Variants in KIAA0319 observed in about 807,000 individuals in gnomAD.
The protein encoded by KIAA0319 is dyslexia-associated protein KIAA0319.
A neutral mutation model predicts 108.4 loss-of-function variants in KIAA0319; 83 were observed. The ratio of observed to expected loss-of-function variants is 0.77; its 90% confidence interval spans 0.64 to 0.92. The LOEUF (loss-of-function observed/expected upper bound fraction) is 0.92, where lower values mean the gene tolerates loss of function less well. Ranked by LOEUF, KIAA0319 falls within the 40% of genes least tolerant of loss-of-function variation. The probability of loss-of-function intolerance (pLI) is 0.00; values close to 1 mark genes in which losing one functional copy is unlikely to be tolerated. For missense variants in KIAA0319, 1,195 were observed against 1,322.4 expected (o/e 0.90, Z 1.49); for synonymous variants, 484 against 510.4 (o/e 0.95, Z 0.70).
chr6:24,624,223 G>C (rs1183466492), intron 1 of KIAA0319, among the ~76,000 whole-genome samples: 2 of 29,492 alleles, frequency 6.8e-5, no homozygotes, highest in African/African-American at 2.7e-4. Context: ...TTTTTTTTTT[G>C]TAGAGACAGG....
rs1188446300 is a variant in KIAA0319, at chr6:24,633,573, A to G, written c.-106+12163T>C. 4.6e-5 allele frequency among the ~76,000 whole-genome samples: 7 copies of G among 152,306 alleles called. No homozygotes were observed. In the East Asian group the frequency reaches 1.3e-3, roughly 29 times the overall value. ...CCAGGAGTTTGGGATCAGCCTGGCC[A>G]ACATAGTGAGATGCTATTTCTATAT... is the stretch of plus-strand genomic sequence containing the variant. On this transcript the variant is annotated intron_variant, in intron 1 of 20. Coordinates refer to ENST00000378214, the MANE Select transcript of KIAA0319 (RefSeq NM_014809.4).
chr6:24,589,865 G>A (rs1438968521), intron 3 of KIAA0319, among the ~76,000 whole-genome samples: 1 of 58,850 alleles, frequency 1.7e-5, no homozygotes, highest in Admixed American at 2.3e-4. Context: ...TATCCATTAT[G>A]TATAACCGAT....
At chr6:24,555,041 A>G (rs1314530451) in intron 18 of KIAA0319, among the ~76,000 whole-genome samples, 4 of 152,212 alleles carry the variant, frequency 2.6e-5, no homozygotes, top group Non-Finnish European at 5.9e-5. Flanking sequence ...AAGCATCTAT[A>G]TGGCTGTTTA....
chr6:24,569,926 G>A lies in KIAA0319; in HGVS notation c.1968C>T (p.Val656=), dbSNP rs144542475. ...GSSSSDDHGI[V]FYHWEHVRGP... Reference sequence around the variant, plus strand: ...ACCTGACGTGCTCCCAGTGGTAGAAGACAATGCCGTGGTCATCGCTGCTGC... The same window carrying A: ...ACCTGACGTGCTCCCAGTGGTAGAAAACAATGCCGTGGTCATCGCTGCTGC... Residue 656 remains valine, a synonymous_variant, in exon 12 of 21, where the codon GTC becomes GTT. Coordinates refer to ENST00000378214, the MANE Select transcript of KIAA0319 (RefSeq NM_014809.4). 20 of 1,614,038 alleles carry A rather than the reference G, an allele frequency of 1.2e-5. No homozygotes were observed. In the African/African-American group the frequency reaches 2.0e-4, roughly 16 times the overall value.
At chr6:24,561,466 G>T (rs1763084840) in intron 16 of KIAA0319, among the ~76,000 whole-genome samples, 1 of 152,130 alleles carries the variant, frequency 6.6e-6, no homozygotes, top group African/African-American at 2.4e-5. Flanking sequence ...TGTAATTTAT[G>T]TCTGTTTAGG....
At chr6:24,573,976 G>T (rs932198917) in intron 10 of KIAA0319, among the ~76,000 whole-genome samples, 1 of 151,976 alleles carries the variant, frequency 6.6e-6, no homozygotes, top group Non-Finnish European at 1.5e-5. Flanking sequence ...TTATTCGGGC[G>T]TGGTGGCAGG....
rs1427071304 is a variant in KIAA0319, at chr6:24,570,023, G to C, written c.1871C>G (p.Pro624Arg). 1.2e-6 allele frequency: 2 copies of C among 1,613,810 alleles called. No homozygotes were observed. Among genetic ancestry groups the C allele is most frequent in the African/African-American group, 2.7e-5 (2 of 74,916 alleles). ...ATCAGGGCCGGCCACAGCCACTGGA[G>C]GTCTATTGTTTTCTGGAATTACAGA... ...TVIVQPENNR[P>R]PVAVAGPDKE... Residue 624 changes from proline (P) to arginine (R), a missense_variant, in exon 12 of 21, where the codon CCT (proline) becomes CGT (arginine). Coordinates refer to ENST00000378214, the MANE Select transcript of KIAA0319 (RefSeq NM_014809.4).
chr6:24,542,376 T>G (rs1260291490), downstream of KIAA0319, among the ~76,000 whole-genome samples: 1 of 152,188 alleles, frequency 6.6e-6, no homozygotes, highest in African/African-American at 2.4e-5. Flanking sequence ...AAATATGAAC[T>G]TGAAAGAGCC....
intron 15 of KIAA0319, among the ~76,000 whole-genome samples, chr6:24,563,750 G>A (rs1763433421): frequency 2.0e-5 from 3 of 152,298 alleles, no homozygotes; most frequent in Non-Finnish European, 2.9e-5. Flanking sequence ...ATAATCGGGT[G>A]TACCTAATTA....
intron 1 of KIAA0319, among the ~76,000 whole-genome samples, chr6:24,614,357 T>C (rs993345991): frequency 6.6e-6 from 1 of 152,110 alleles, no homozygotes; most frequent in African/African-American, 2.4e-5. Flanking sequence ...AAAAGCCAGT[T>C]ATCTATGCAG....
intron 1 of KIAA0319, among the ~76,000 whole-genome samples, chr6:24,629,568 G>C (rs375580040): frequency 1.5e-4 from 22 of 149,414 alleles, no homozygotes; most frequent in Middle Eastern, 7.0e-3. Context: ...ACTTATCCCA[G>C]CATAAGGTAC....
At chr6:24,630,710 T>TATATATATATATATATAC (rs373537245) in intron 1 of KIAA0319, among the ~76,000 whole-genome samples, 1 of 138,690 alleles carries the variant, frequency 7.2e-6, no homozygotes, top group African/African-American at 3.0e-5. Context: ...TATACACATA[T>TATATATATATATATATAC]ACACACAAAC....
chr6:24,597,917 C>CAAGAAAAAA (rs1769919995), intron 2 of KIAA0319: 1 of 32,434 alleles, frequency 3.1e-5, no homozygotes, highest in Non-Finnish European at 6.4e-5. Flanking sequence ...GACCCTATCT[C>CAAGAAAAAA]AAAAAAAAAA....
Position 24,596,290 on chromosome 6 carries a change from C to T in KIAA0319, c.384G>A (p.Gly128=). 6.2e-7 allele frequency: 1 copy of T among 1,614,132 alleles called. No homozygotes were observed. The highest frequency in any genetic ancestry group is 8.5e-7 in the Non-Finnish European group (1 of 1,179,958). Residue 128 remains glycine (G), a synonymous_variant, in exon 3 of 21, where the codon GGG becomes GGA. Coordinates refer to ENST00000378214, the MANE Select transcript of KIAA0319 (RefSeq NM_014809.4). ...TATCCTCAGGTGAGTCCCCCCAGATCCCCGAGGGGGAGCCCCTGTTCAGCA... is the reference window on the plus strand; with the variant it reads ...TATCCTCAGGTGAGTCCCCCCAGATTCCCGAGGGGGAGCCCCTGTTCAGCA... The part of the protein sequence containing the change: ...DMMLNRGSPS[G]IWGDSPEDIR...
chr6:24,598,081 T>G, intron 2 of KIAA0319: 1 of 431,544 alleles, frequency 2.3e-6, no homozygotes, highest in Non-Finnish European at 4.4e-6. Context: ...CAGCAGCCAC[T>G]CCTACACAAG....
chr6:24,619,222 C>T (rs774852948), intron 1 of KIAA0319, among the ~76,000 whole-genome samples: 6 of 152,124 alleles, frequency 3.9e-5, no homozygotes, highest in Non-Finnish European at 8.8e-5. Flanking sequence ...TTAGCTCCCT[C>T]GGGCTTCTGC....
chr6:24,547,416 A>C, intron 20 of KIAA0319, 73 bp from the exon 21 acceptor site: 1 of 1,342,472 alleles, frequency 7.4e-7, no homozygotes, highest in East Asian at 2.4e-5. Context: ...TTGTGGTTGC[A>C]GGTCCTGTGA....
At chr6:24,632,414 A>C (rs761100) in intron 1 of KIAA0319, among the ~76,000 whole-genome samples, 93,008 of 152,056 alleles carry the variant, frequency 0.61, 29,034 homozygotes, top group East Asian at 0.87. Context: ...CAGTTTCTCC[A>C]AAACAATTTT....
chr6:24,625,100 A>T (rs889335534), intron 1 of KIAA0319, among the ~76,000 whole-genome samples: 1 of 152,222 alleles, frequency 6.6e-6, no homozygotes, highest in East Asian at 1.9e-4. Flanking sequence ...GAATTGTATA[A>T]TACAGTACCC....
Sources: gnomAD v4.1 joint callset for allele counts (sites outside exome capture counted in the v4.1 genomes callset) on GRCh38, gnomAD v4.1.1 for gene constraint, MANE v1.5 for transcripts, NCBI Gene and HGNC (gene_info 2026-07-23, HGNC 2026-07-21) for gene names.